NDUFAF6: variants seen among roughly 807,000 people sequenced by gnomAD.
NDUFAF6 encodes the protein NADH dehydrogenase (ubiquinone) complex I, assembly factor 6.
NDUFAF6 carries 45 observed loss-of-function variants against 40.8 expected under a neutral mutation model. That is an observed-to-expected ratio of 1.10 (90% CI 0.87 to 1.42). NDUFAF6 has a LOEUF of 1.42. Among genes scored for constraint, NDUFAF6 ranks in the 40% most tolerant of loss-of-function variants. The pLI, the probability that NDUFAF6 is intolerant of heterozygous loss-of-function variation, is 0.00. For synonymous variants in NDUFAF6, 185 were observed against 155.9 expected (o/e 1.19, Z -1.39); for missense variants, 435 against 418.5 (o/e 1.04, Z -0.34).
intron 1 of NDUFAF6, chr8:94,927,597 A>T (rs1200441458): frequency 6.6e-6 from 1 of 152,226 alleles, no homozygotes; most frequent in East Asian, 1.9e-4. Flanking sequence ...TTGCCACAGA[A>T]GATAAATAAT....
intron 8 of NDUFAF6, among the ~76,000 whole-genome samples, chr8:95,056,894 A>C (rs1375082081): frequency 1.7e-5 from 2 of 116,662 alleles, no homozygotes; most frequent in Non-Finnish European, 3.6e-5. Context: ...TAACACAGCG[A>C]GACTCTGTCT....
At chr8:95,092,624 G>A (rs13280672) in intron 2 of NDUFAF6, among the ~76,000 whole-genome samples, 96,263 of 135,620 alleles carry the variant, frequency 0.71, 34,444 homozygotes, top group East Asian at 0.89. Context: ...TCGCTCTGTC[G>A]CCCAGGCTGG....
chr8:95,017,796 C>T (rs1827525977), intron 2 of NDUFAF6, among the ~76,000 whole-genome samples: 1 of 152,110 alleles, frequency 6.6e-6, no homozygotes, highest in South Asian at 2.1e-4. Context: ...AACATCTAGC[C>T]AGTCACCTCC....
intron 2 of NDUFAF6, among the ~76,000 whole-genome samples, chr8:94,990,962 G>A (rs2131616703): frequency 6.6e-6 from 1 of 152,294 alleles, no homozygotes; most frequent in South Asian, 2.1e-4. Context: ...TTCGCGAAGG[G>A]ACTTTTCTTA....
intron 2 of NDUFAF6, among the ~76,000 whole-genome samples, chr8:95,019,591 G>T (rs1176685582): frequency 6.6e-6 from 1 of 152,144 alleles, no homozygotes; most frequent in Non-Finnish European, 1.5e-5. Context: ...CTAAAGAAAT[G>T]ACAGCTTTGG....
intron 9 of NDUFAF6, chr8:95,067,254 G>C (rs1832725625): frequency 1.3e-5 from 2 of 152,122 alleles, no homozygotes; most frequent in Admixed American, 1.3e-4. Flanking sequence ...CTCATGAACT[G>C]TGTACCTAGA....
chr8:95,065,445 T>G (rs901602076), intron 9 of NDUFAF6, among the ~76,000 whole-genome samples: 11 of 152,106 alleles, frequency 7.2e-5, no homozygotes, highest in Non-Finnish European at 1.3e-4. Flanking sequence ...TCCTCCTCTA[T>G]TTTTTTCCCC....
intron 2 of NDUFAF6, among the ~76,000 whole-genome samples, chr8:94,991,223 T>TA (rs1310922412): frequency 6.6e-6 from 1 of 152,200 alleles, no homozygotes; most frequent in Admixed American, 6.5e-5. Context: ...GCTCCCTTAA[T>TA]AAAAAATATC....
upstream of NDUFAF6, among the ~76,000 whole-genome samples, chr8:95,020,409 G>A (rs1379890751): frequency 6.6e-6 from 1 of 152,200 alleles, no homozygotes; most frequent in African/African-American, 2.4e-5. Flanking sequence ...TAAACTTGCT[G>A]AGTCTGATTT....
intron 4 of NDUFAF6, among the ~76,000 whole-genome samples, chr8:95,115,251 G>A (rs1343162226): frequency 3.3e-5 from 5 of 152,242 alleles, no homozygotes; most frequent in South Asian, 2.1e-4. Context: ...GCACCAAGAA[G>A]GCTGAAGGGT....
At chr8:95,027,776 A>G (rs1202077848) in intron 1 of NDUFAF6, among the ~76,000 whole-genome samples, 1 of 152,194 alleles carries the variant, frequency 6.6e-6, no homozygotes, top group Non-Finnish European at 1.5e-5. Flanking sequence ...TTGTCCATCA[A>G]TAATCTCTGC....
At chr8:95,017,233 G>A (rs77771373) in intron 2 of NDUFAF6, among the ~76,000 whole-genome samples, 2,178 of 150,188 alleles carry the variant, frequency 0.015, 21 homozygotes, top group South Asian at 0.021. Context: ...GAGCCACCAC[G>A]CCCCGCCCAT....
At chr8:95,024,978 G>A (rs202043750), upstream of NDUFAF6, 281 of 1,294,732 alleles carry the variant, frequency 2.2e-4, no homozygotes, top group Non-Finnish European at 2.7e-4. Context: ...CGCCGACGGC[G>A]GGGGGTCGAA....
intron 2 of NDUFAF6, chr8:94,988,491 C>T (rs1209192012): frequency 6.6e-6 from 1 of 152,044 alleles, no homozygotes; most frequent in Non-Finnish European, 1.5e-5. Flanking sequence ...TAATTGAATT[C>T]ATTTTCTCTC....
intron 1 of NDUFAF6, among the ~76,000 whole-genome samples, chr8:94,921,868 G>A (rs960364186): frequency 3.3e-5 from 5 of 152,220 alleles, no homozygotes; most frequent in African/African-American, 1.2e-4. Context: ...TAGGGCAATG[G>A]TCTCAAAGTG....
At chr8:94,937,853 C>T (rs767105335) in intron 1 of NDUFAF6, among the ~76,000 whole-genome samples, 32 of 151,936 alleles carry the variant, frequency 2.1e-4, no homozygotes, top group Non-Finnish European at 3.8e-4. Context: ...GTAAAAACAG[C>T]CTACTAATTT....
At chr8:94,934,089 AAG>A (rs1229414830) in intron 1 of NDUFAF6, among the ~76,000 whole-genome samples, 25 of 152,230 alleles carry the variant, frequency 1.6e-4, no homozygotes, top group East Asian at 5.8e-4. Flanking sequence ...AAAAAAAAAA[AAG>A]AAGTATATAT....
intron 9 of NDUFAF6, chr8:95,068,633 C>T (rs192969726): frequency 6.6e-6 from 1 of 152,008 alleles, no homozygotes; most frequent in East Asian, 1.9e-4. Context: ...ATTCAAGGCC[C>T]CTTTTGTTCT....
At chr8:95,070,406 G>T (rs1381706646) in intron 9 of NDUFAF6, among the ~76,000 whole-genome samples, 3 of 152,142 alleles carry the variant, frequency 2.0e-5, no homozygotes, top group Non-Finnish European at 4.4e-5. Flanking sequence ...CACTTTCAGA[G>T]AAAACCAGGT....
Sources: gnomAD v4.1 joint callset for allele counts (sites outside exome capture counted in the v4.1 genomes callset) on GRCh38, gnomAD v4.1.1 for gene constraint, MANE v1.5 for transcripts, NCBI Gene and HGNC (gene_info 2026-07-23, HGNC 2026-07-21) for gene names.